The following ADGB variants were observed in gnomAD, a reference collection of about 807,000 sequenced individuals.
ADGB encodes the protein androglobin.
ADGB carries 172 observed loss-of-function variants against 210.5 expected under a neutral mutation model. The observed-to-expected ratio is 0.82, with a 90% CI of 0.72 to 0.93. The LOEUF (loss-of-function observed/expected upper bound fraction) is 0.93. Among genes scored for constraint, ADGB ranks in the 40% least tolerant of loss-of-function variants. The pLI, the probability that ADGB is intolerant of heterozygous loss-of-function variation, is 0.00. For missense variants in ADGB, 2,025 were observed against 1,964.8 expected, an observed-to-expected ratio of 1.03 and a Z score of -0.58; for synonymous variants, 658 against 662.7, an observed-to-expected ratio of 0.99 and a Z score of 0.11.
intron 12 of ADGB, among the ~76,000 whole-genome samples, chr6:146,694,218 C>T (rs1376726429): frequency 1.8e-4 from 28 of 152,090 alleles, no homozygotes; most frequent in Admixed American, 1.8e-3. Context: ...GTTTGGGCTG[C>T]TATAACAAAA....
At chr6:146,758,103 G>A (rs982698007) in intron 27 of ADGB, among the ~76,000 whole-genome samples, 3 of 151,918 alleles carry the variant, frequency 2.0e-5, no homozygotes, top group African/African-American at 7.2e-5. Context: ...ATATCTCCTG[G>A]GTTGTTTTCA....
intron 29 of ADGB, among the ~76,000 whole-genome samples, chr6:146,781,063 C>T (rs939269009): frequency 5.3e-5 from 8 of 151,502 alleles, no homozygotes; most frequent in African/African-American, 1.7e-4. Flanking sequence ...CGCGGTAGCT[C>T]ACGCCTGTAA....
rs193225856 is a variant in ADGB, at chr6:146,682,368, A to T, written c.1217-3366A>T. Among the ~76,000 whole-genome samples the T allele has an allele frequency of 9.0e-4, 137 of 152,288 alleles. 1 individual carries two copies. Among genetic ancestry groups the T allele is most frequent in the Non-Finnish European group, 1.6e-4 (11 of 67,990 alleles). On this transcript the variant is annotated intron_variant, in intron 9 of 35. Coordinates refer to ENST00000397944, the MANE Select transcript of ADGB (RefSeq NM_024694.4). ...ACAAATGTAGCAAAAGCTTCTTTTG[A>T]GCAATAAAATACATATAATTAGTAT...
intron 33 of ADGB, among the ~76,000 whole-genome samples, chr6:146,791,736 G>A (rs1462664541): frequency 6.6e-6 from 1 of 151,784 alleles, no homozygotes; most frequent in Non-Finnish European, 1.5e-5. Flanking sequence ...CTTTCCCATT[G>A]TGTGTTCTGT....
intron 33 of ADGB, among the ~76,000 whole-genome samples, chr6:146,790,559 C>T (rs748061233): frequency 6.6e-6 from 1 of 152,180 alleles, no homozygotes; most frequent in Non-Finnish European, 1.5e-5. Flanking sequence ...TCCATTGTGT[C>T]TACATACCAC....
chr6:146,813,186 T>A (rs1307144200), intron 35 of ADGB, among the ~76,000 whole-genome samples: 1 of 152,210 alleles, frequency 6.6e-6, no homozygotes, highest in Non-Finnish European at 1.5e-5. Context: ...ATTTTTTCTC[T>A]TGCGGTAATC....
intron 33 of ADGB, among the ~76,000 whole-genome samples, chr6:146,789,672 A>G (rs1777927644): frequency 6.6e-6 from 1 of 152,204 alleles, no homozygotes; most frequent in Non-Finnish European, 1.5e-5. Context: ...AGCTCACATG[A>G]TGGTAGCAGT....
At chr6:146,745,043 G>A (rs899797526) in intron 25 of ADGB, among the ~76,000 whole-genome samples, 2 of 151,962 alleles carry the variant, frequency 1.3e-5, no homozygotes, top group African/African-American at 4.8e-5. Flanking sequence ...CCTTACTGGT[G>A]TTGCAATTCT....
chr6:146,602,462 G>A lies in ADGB; in HGVS notation c.74+3348G>A, dbSNP rs558670613. Among the ~76,000 whole-genome samples, 101 of 152,248 alleles carry A rather than the reference G, an allele frequency of 6.6e-4. 1 individual carries two copies. Among genetic ancestry groups the A allele is most frequent in the African/African-American group, 2.2e-3 (90 of 41,556 alleles). On this transcript the variant is annotated intron_variant, in intron 1 of 35. Coordinates refer to ENST00000397944, the MANE Select transcript of ADGB (RefSeq NM_024694.4). ...ATCTTTTAACATAACAATTTTTAAC[G>A]TAAGATAACTTTAACATAACATCAC... is the stretch of plus-strand genomic sequence containing the variant.
intron 10 of ADGB, among the ~76,000 whole-genome samples, chr6:146,690,185 A>G (rs1255056152): frequency 6.6e-6 from 1 of 152,154 alleles, no homozygotes; most frequent in Non-Finnish European, 1.5e-5. Context: ...AGAGCAAGGC[A>G]GTTTCCAGTT....
chr6:146,788,978 ACCTTTC>A (rs1777919192), intron 33 of ADGB, among the ~76,000 whole-genome samples: 1 of 152,162 alleles, frequency 6.6e-6, no homozygotes, highest in Non-Finnish European at 1.5e-5. Context: ...TTTCCTTTTT[ACCTTTC>A]ATAGCAAATT....
At position 146,710,706 on chromosome 6, in the gene ADGB, T is replaced by A. The variant is rs187989657; in HGVS notation, c.1708-4676T>A. Among the ~76,000 whole-genome samples the A allele has an allele frequency of 1.8e-3, 272 of 152,072 alleles. 2 individuals are homozygous for A. The highest frequency in any genetic ancestry group is 5.3e-4 in the African/African-American group (22 of 41,504). ...ATTTTTTGAAATTTTAAAAAAAAAA[T>A]TTAAATTATTGATTGTATTCGTTTT... On this transcript the variant is annotated intron_variant, in intron 13 of 35. Coordinates refer to ENST00000397944, the MANE Select transcript of ADGB (RefSeq NM_024694.4).
intron 8 of ADGB, among the ~76,000 whole-genome samples, chr6:146,675,997 G>A (rs1404568218): frequency 6.6e-6 from 1 of 151,908 alleles, no homozygotes; most frequent in Non-Finnish European, 1.5e-5. Flanking sequence ...TTTAAAATGA[G>A]AAAATTACCT....
intron 29 of ADGB, chr6:146,770,513 C>G: frequency 2.2e-6 from 1 of 449,968 alleles, no homozygotes; most frequent in South Asian, 1.6e-5. Flanking sequence ...GGGATGTGTT[C>G]TTCCTCGGTC....
chr6:146,663,462 A>G (rs1376796312), intron 5 of ADGB, among the ~76,000 whole-genome samples: 2 of 151,790 alleles, frequency 1.3e-5, no homozygotes, highest in Admixed American at 6.6e-5. Flanking sequence ...GGTTTCTTCA[A>G]CTTCTTAAAA....
At chr6:146,719,445 T>TA (rs397821839) in intron 16 of ADGB, among the ~76,000 whole-genome samples, 1 of 152,094 alleles carries the variant, frequency 6.6e-6, no homozygotes, top group African/African-American at 2.4e-5. Flanking sequence ...GAATTTTTTT[T>TA]AATTAATGGT....
At chr6:146,614,191 CCCTCCCTCCCTTCCTCCCTT>C (rs1455349119) in intron 1 of ADGB, among the ~76,000 whole-genome samples, 217 of 118,802 alleles carry the variant, frequency 1.8e-3, no homozygotes, top group Middle Eastern at 0.012. Flanking sequence ...CTCCCTCCCT[CCCTCCCTCCCTTCCTCCCTT>C]CCTTCCTCCC....
intron 1 of ADGB, among the ~76,000 whole-genome samples, chr6:146,614,121 A>T (rs535397205): frequency 7.9e-5 from 12 of 152,220 alleles, no homozygotes; most frequent in African/African-American, 2.9e-4. Flanking sequence ...TACCGCTATC[A>T]TGAAGTGATG....
chr6:146,703,578 A>G (rs75995622), intron 13 of ADGB, among the ~76,000 whole-genome samples: 2 of 151,868 alleles, frequency 1.3e-5, no homozygotes, highest in Admixed American at 1.3e-4. Context: ...TGTGTGGCTT[A>G]TTTAACTTCA....
Sources: gnomAD v4.1 joint callset for allele counts (sites outside exome capture counted in the v4.1 genomes callset) on GRCh38, gnomAD v4.1.1 for gene constraint, MANE v1.5 for transcripts, NCBI Gene and HGNC (gene_info 2026-07-23, HGNC 2026-07-21) for gene names.